The following SLC11A2 variants were observed in gnomAD, a reference collection of about 807,000 sequenced individuals.
SLC11A2 encodes the protein natural resistance-associated macrophage protein 2.
In SLC11A2, 38 loss-of-function variants were observed where a neutral mutation model predicts 68.0. The ratio of observed to expected loss-of-function variants is 0.56; its 90% confidence interval spans 0.43 to 0.73. The LOEUF is 0.73. Among genes scored for constraint, SLC11A2 ranks in the 30% least tolerant of loss-of-function variants. The probability of loss-of-function intolerance (pLI) is 0.00; values close to 1 mark genes in which losing one functional copy is unlikely to be tolerated. For synonymous variants in SLC11A2, 242 were observed against 250.6 expected, an observed-to-expected ratio of 0.97 and a Z score of 0.32; for missense variants, 517 against 690.5, an observed-to-expected ratio of 0.75 and a Z score of 2.82.
At chr12:50,969,250 C>A in the SLC11A2 span, among the ~76,000 whole-genome samples, 7 of 151,998 alleles carry the variant, frequency 4.6e-5, no homozygotes, top group African/African-American at 1.4e-4. Flanking sequence ...GCCAAGATCA[C>A]CCCACTGCAC....
At chr12:50,976,225 T>C (rs1312061511), downstream of SLC11A2, among the ~76,000 whole-genome samples, 5 of 149,560 alleles carry the variant, frequency 3.3e-5, no homozygotes, top group African/African-American at 4.9e-5. Context: ...CTGATGAACA[T>C]TGATGCAAAA....
At chr12:50,975,527 A>C (rs1256371384), downstream of SLC11A2, among the ~76,000 whole-genome samples, 1 of 152,210 alleles carries the variant, frequency 6.6e-6, no homozygotes, top group African/African-American at 2.4e-5. Context: ...AAATGCCCAC[A>C]AGAGAAAGCA....
At chr12:50,960,997 TG>T in the SLC11A2 span, 1 of 1,604,352 alleles carries the variant, frequency 6.2e-7, no homozygotes, top group Non-Finnish European at 8.5e-7. Context: ...TGTGGTGTCC[TG>T]TGGTCTTTAC....
chr12:51,019,968 G>T (rs1159084074), intron 1 of SLC11A2, among the ~76,000 whole-genome samples: 1 of 152,104 alleles, frequency 6.6e-6, no homozygotes, highest in Non-Finnish European at 1.5e-5. Flanking sequence ...AACTCAATCT[G>T]CTCCCATTCG....
chr12:51,009,036 A>G, intron 2 of SLC11A2: 1 of 851,964 alleles, frequency 1.2e-6, no homozygotes, highest in Non-Finnish European at 1.9e-6. Flanking sequence ...CTGGTAACCT[A>G]AAATCCTAGC....
At chr12:51,017,645 C>T (rs1047761676) in intron 1 of SLC11A2, among the ~76,000 whole-genome samples, 4 of 152,184 alleles carry the variant, frequency 2.6e-5, no homozygotes, top group African/African-American at 7.2e-5. Flanking sequence ...TAGATTCACT[C>T]AGCTTCTCAA....
At chr12:51,014,377 C>T (rs1369097062) in intron 1 of SLC11A2, 1 of 152,132 alleles carries the variant, frequency 6.6e-6, no homozygotes, top group African/African-American at 2.4e-5. Context: ...TAGTGATATT[C>T]TAAGTTCATT....
At chr12:51,016,847 CAAAAAAAAAAA>C (rs34208777) in intron 1 of SLC11A2, among the ~76,000 whole-genome samples, 3 of 60,748 alleles carry the variant, frequency 4.9e-5, no homozygotes, top group South Asian at 6.1e-4. Context: ...AACTCTGTCT[CAAAAAAAAAAA>C]AAAAAAAAAA....
At position 50,992,182 on chromosome 12, in the gene SLC11A2, C is replaced by T. The variant is rs749306159; in HGVS notation, c.1347+8G>A. 1 of 1,613,844 alleles carries T rather than the reference C, an allele frequency of 6.2e-7. No homozygotes were observed. The highest frequency in any genetic ancestry group is 1.1e-5 in the South Asian group (1 of 91,054). On this transcript the variant is annotated splice_region_variant and intron_variant, in intron 13 of 15. Coordinates refer to ENST00000262052, the MANE Select transcript of SLC11A2 (RefSeq NM_000617.3). ...AACTAGGATGTGTTTCCTCAGCTTC[C>T]TCCTCACCTGTAAGCTCTGTAGAAC...
chr12:50,971,051 T>G, the SLC11A2 span, among the ~76,000 whole-genome samples: 2 of 152,110 alleles, frequency 1.3e-5, no homozygotes, highest in African/African-American at 4.8e-5. Context: ...GCTAATTTTT[T>G]GTATTTTTAG....
At chr12:51,000,870 A>C (rs1360875379) in intron 5 of SLC11A2, among the ~76,000 whole-genome samples, 4 of 152,142 alleles carry the variant, frequency 2.6e-5, no homozygotes, top group African/African-American at 9.7e-5. Flanking sequence ...ACAAACATGA[A>C]AAGGTTGGGG....
chr12:51,015,329 G>T (rs2136358285), intron 1 of SLC11A2, among the ~76,000 whole-genome samples: 1 of 150,268 alleles, frequency 6.7e-6, no homozygotes, highest in South Asian at 2.1e-4. Flanking sequence ...TACAAAATTA[G>T]CCAGGCATCA....
chr12:51,010,360 A>G (rs902047293), intron 2 of SLC11A2, among the ~76,000 whole-genome samples: 2 of 152,076 alleles, frequency 1.3e-5, no homozygotes, highest in Admixed American at 6.6e-5. Flanking sequence ...TCTACTAAAA[A>G]TACAAAAATT....
downstream of SLC11A2, among the ~76,000 whole-genome samples, chr12:50,976,020 A>T (rs1939843787): frequency 6.6e-6 from 1 of 152,236 alleles, no homozygotes; most frequent in South Asian, 2.1e-4. Flanking sequence ...AACCAAAAAA[A>T]GTCCAGGACC....
upstream of SLC11A2, among the ~76,000 whole-genome samples, chr12:51,027,076 T>C (rs1019656185): frequency 2.0e-5 from 3 of 151,692 alleles, no homozygotes; most frequent in African/African-American, 4.9e-5. Context: ...CTCGGGAGGC[T>C]GAGGCAAGAG....
chr12:50,974,419 C>T (rs1440231557), downstream of SLC11A2, among the ~76,000 whole-genome samples: 4 of 152,178 alleles, frequency 2.6e-5, no homozygotes, highest in Non-Finnish European at 5.9e-5. Flanking sequence ...AAATAAAATA[C>T]TTTACAGACA....
In SLC11A2 at chr12:50,986,139, T is replaced by G; in HGVS notation, c.*2186A>C. The G allele has an allele frequency of 7.8e-7, 1 of 1,286,332 alleles. No individual in the cohort carries two copies. Among genetic ancestry groups the G allele is most frequent in the Non-Finnish European group, 1.0e-6 (1 of 987,960 alleles). 79.7% of individuals were successfully genotyped at this position (1,286,332 alleles called of 1,614,324 possible). A position where few individuals can be genotyped will look rare whatever the true frequency, so the allele number is the denominator to read the frequency against. Reference sequence around the variant, plus strand: ...TCCCTTTTCCCCTGTTAATTTCCAGTATAATGTAGCAGCACAATTATTTCA... The same window carrying G: ...TCCCTTTTCCCCTGTTAATTTCCAGGATAATGTAGCAGCACAATTATTTCA... On this transcript the variant is annotated 3_prime_UTR_variant, in exon 16 of 16. Transcript: ENST00000262052.
chr12:50,997,034 C>G, intron 8 of SLC11A2, 62 bp from the exon 9 acceptor site: 6 of 1,322,768 alleles, frequency 4.5e-6, no homozygotes, highest in Non-Finnish European at 6.5e-6. Context: ...TAACATAGTA[C>G]CAGGGAACAG....
At chr12:51,008,416 T>C (rs1942936976) in intron 3 of SLC11A2, 60 bp downstream of exon 3, 1 of 1,457,574 alleles carries the variant, frequency 6.9e-7, no homozygotes, top group Admixed American at 1.7e-5. Flanking sequence ...ATCCAGCAGA[T>C]CTTTCACTCA....
Sources: allele counts gnomAD v4.1 joint callset (sites outside exome capture counted in the v4.1 genomes callset), GRCh38; gene constraint gnomAD v4.1.1; transcripts MANE v1.5; gene names NCBI Gene and HGNC (gene_info 2026-07-23, HGNC 2026-07-21).